PITPNC1: variants seen among roughly 807,000 people sequenced by gnomAD.
PITPNC1 encodes phosphatidylinositol transfer protein cytoplasmic 1, also known as cytoplasmic phosphatidylinositol transfer protein 1.
PITPNC1 carries 18 observed loss-of-function variants against 44.7 expected under a neutral mutation model. That is an observed-to-expected ratio of 0.40 (90% confidence interval 0.28 to 0.60). The LOEUF (loss-of-function observed/expected upper bound fraction) is 0.60, where lower values mean the gene tolerates loss of function less well. Among genes scored for constraint, PITPNC1 ranks in the 20% least tolerant of loss-of-function variants. The pLI, the probability that PITPNC1 is intolerant of heterozygous loss-of-function variation, is 0.39. For missense variants in PITPNC1, 290 were observed against 418.4 expected, an observed-to-expected ratio of 0.69 and a Z score of 2.68; for synonymous variants, 141 against 149.6, an observed-to-expected ratio of 0.94 and a Z score of 0.42.
intron 6 of PITPNC1, among the ~76,000 whole-genome samples, chr17:67,649,370 G>A (rs559602415): frequency 1.5e-4 from 23 of 152,350 alleles, no homozygotes; most frequent in South Asian, 1.2e-3. Flanking sequence ...GTGTGAGCTT[G>A]GGAATAGCAC....
At chr17:67,427,335 C>G (rs1242654532) in intron 1 of PITPNC1, among the ~76,000 whole-genome samples, 2 of 152,212 alleles carry the variant, frequency 1.3e-5, no homozygotes, top group Middle Eastern at 6.8e-3. Context: ...TTCAGCCTCC[C>G]GAGTAGCTGG....
chr17:67,407,545 G>A (rs889057250), intron 1 of PITPNC1, among the ~76,000 whole-genome samples: 1 of 152,306 alleles, frequency 6.6e-6, no homozygotes, highest in East Asian at 1.9e-4. Flanking sequence ...GCTCACGCCT[G>A]TAATCCCAGC....
chr17:67,479,510 C>T (rs1314274693), intron 1 of PITPNC1, among the ~76,000 whole-genome samples: 2 of 152,178 alleles, frequency 1.3e-5, no homozygotes, highest in African/African-American at 2.4e-5. Flanking sequence ...TACAAATGAG[C>T]ACTTGATGAC....
rs547026279 is a variant in PITPNC1, at chr17:67,501,751, C to T, written c.49-31051C>T. 4.0e-5 allele frequency among the ~76,000 whole-genome samples: 6 copies of T among 151,788 alleles called. No individual in the cohort carries two copies. The South Asian group carries it at 8.3e-4, about 21-fold the overall frequency. On this transcript the variant is annotated intron_variant, in intron 1 of 8. Transcript: ENST00000581322. The stretch of plus-strand genomic sequence containing the variant: ...GGGAGGCTGAAGCAGGAGAATTGCT[C>T]GAACGTGGGAGGTGGAGGTTGCAGT...
intron 1 of PITPNC1, among the ~76,000 whole-genome samples, chr17:67,509,529 T>G (rs985130836): frequency 6.6e-6 from 1 of 151,230 alleles, no homozygotes; most frequent in Non-Finnish European, 1.5e-5. Flanking sequence ...AGAGTGAGGC[T>G]CCATCTCTAA....
chr17:67,572,303 A>G (rs1173356443), intron 4 of PITPNC1, among the ~76,000 whole-genome samples: 2 of 152,046 alleles, frequency 1.3e-5, no homozygotes, highest in Non-Finnish European at 2.9e-5. Flanking sequence ...TTTGAGAAAA[A>G]GTCCAGGGTT....
chr17:67,475,391 C>T (rs1053333947), intron 1 of PITPNC1, among the ~76,000 whole-genome samples: 3 of 152,142 alleles, frequency 2.0e-5, no homozygotes, highest in Admixed American at 6.5e-5. Context: ...TAAAACAGCC[C>T]GGGGTGTTTG....
At chr17:67,644,949 GTC>G (rs747085381) in intron 6 of PITPNC1, among the ~76,000 whole-genome samples, 49 of 152,154 alleles carry the variant, frequency 3.2e-4, no homozygotes, top group Non-Finnish European at 3.2e-4. Flanking sequence ...GACTCAACTG[GTC>G]TGGGACCCAA....
intron 1 of PITPNC1, among the ~76,000 whole-genome samples, chr17:67,481,340 G>C (rs140274430): frequency 6.6e-6 from 1 of 152,342 alleles, no homozygotes; most frequent in Non-Finnish European, 1.5e-5. Context: ...CCAGCCCTTA[G>C]CAGGGACATA....
Position 67,647,464 on chromosome 17 carries a change from G to GTTTT in PITPNC1, c.462+15252_462+15255dup, listed in dbSNP as rs60407940. On this transcript the variant is annotated intron_variant, in intron 6 of 8. Coordinates refer to ENST00000581322, the MANE Select transcript of PITPNC1 (RefSeq NM_012417.4). Reference sequence around the variant, plus strand: ...CACCATCACACCCAGCTAATTTTGGGTTTTTTTTTTTTTTTTTTTTTTTTT... The same window carrying GTTTT: ...CACCATCACACCCAGCTAATTTTGGGTTTTTTTTTTTTTTTTTTTTTTTTTTTTT... 2.0e-3 allele frequency among the ~76,000 whole-genome samples: 146 copies of GTTTT among 72,350 alleles called. 5 individuals are homozygous for GTTTT. Among genetic ancestry groups the GTTTT allele is most frequent in the Admixed American group, 2.7e-3 (12 of 4,498 alleles). The allele number at this position is 72,350 out of a possible 152,430, so 47.5% of individuals were successfully genotyped here. A position where few individuals can be genotyped will look rare whatever the true frequency, so the allele number is the denominator to read the frequency against.
intron 5 of PITPNC1, among the ~76,000 whole-genome samples, chr17:67,599,003 T>TACATAC (rs200415484): frequency 4.0e-5 from 1 of 25,206 alleles, no homozygotes; most frequent in South Asian, 2.8e-3. Context: ...AAGAAATACA[T>TACATAC]ATATATATAT....
chr17:67,554,330 C>T (rs2040806635), intron 4 of PITPNC1, among the ~76,000 whole-genome samples: 1 of 143,146 alleles, frequency 7.0e-6, no homozygotes, highest in African/African-American at 2.6e-5. Context: ...AATCTTGGCT[C>T]AACAGAAACT....
intron 1 of PITPNC1, among the ~76,000 whole-genome samples, chr17:67,518,599 A>G (rs1388007666): frequency 6.6e-6 from 1 of 152,170 alleles, no homozygotes; most frequent in Non-Finnish European, 1.5e-5. Context: ...TGACTTTAAA[A>G]CATCCTGTAA....
chr17:67,629,238 C>CTGTGTGTGTGTGTGTGTGTGTGTG (rs71139164), intron 5 of PITPNC1, among the ~76,000 whole-genome samples: 12,257 of 131,094 alleles, frequency 0.093, 860 homozygotes, highest in Non-Finnish European at 0.11. Flanking sequence ...CTGGGGTATT[C>CTGTGTGTGTGTGTGTGTGTGTGTG]TGTGTGTGTG....
intron 1 of PITPNC1, among the ~76,000 whole-genome samples, chr17:67,527,724 G>C (rs959516463): frequency 3.3e-5 from 5 of 152,032 alleles, no homozygotes; most frequent in Non-Finnish European, 7.4e-5. Context: ...AGGAATATAG[G>C]CTGGGTGCAG....
intron 6 of PITPNC1, among the ~76,000 whole-genome samples, chr17:67,665,969 T>A (rs1034769515): frequency 5.3e-5 from 8 of 152,060 alleles, no homozygotes; most frequent in Admixed American, 5.2e-4. Context: ...GCCTCCCTAG[T>A]AGCTGGGATT....
intron 1 of PITPNC1, among the ~76,000 whole-genome samples, chr17:67,405,126 A>G (rs1039511701): frequency 1.2e-4 from 19 of 152,096 alleles, no homozygotes; most frequent in Non-Finnish European, 2.2e-4. Context: ...GCACACCTGT[A>G]ATCCCAGCTA....
chr17:67,454,966 C>T (rs2039235682), intron 1 of PITPNC1, among the ~76,000 whole-genome samples: 1 of 151,964 alleles, frequency 6.6e-6, no homozygotes, highest in Non-Finnish European at 1.5e-5. Flanking sequence ...ACTACAGCTG[C>T]ATGCCACCAG....
intron 6 of PITPNC1, among the ~76,000 whole-genome samples, chr17:67,636,442 G>A (rs1311170468): frequency 6.6e-6 from 1 of 152,148 alleles, no homozygotes; most frequent in Non-Finnish European, 1.5e-5. Context: ...GAGTCTTACG[G>A]TTACTAAATG....
Sources: allele counts gnomAD v4.1 joint callset (sites outside exome capture counted in the v4.1 genomes callset), GRCh38; gene constraint gnomAD v4.1.1; transcripts MANE v1.5; gene names NCBI Gene and HGNC (gene_info 2026-07-23, HGNC 2026-07-21).